Variants in VANGL1 observed in about 807,000 individuals in gnomAD.
VANGL1 encodes VANGL planar cell polarity protein 1.
In VANGL1, 18 loss-of-function variants were observed where a neutral mutation model predicts 48.4. The observed-to-expected ratio is 0.37, with a 90% CI of 0.26 to 0.55. VANGL1 has a LOEUF of 0.55. VANGL1 is among the 20% of genes least tolerant of loss of function. The pLI is 0.81. For synonymous variants in VANGL1, 257 were observed against 261.8 expected (o/e 0.98, Z 0.18); for missense variants, 667 against 675.8 (o/e 0.99, Z 0.14).
Position 115,685,277 on chromosome 1 carries a change from T to C in VANGL1, c.1080-16T>C. On this transcript the variant is annotated splice_polypyrimidine_tract_variant and intron_variant, in intron 6 of 7. Transcript: ENST00000355485. Reference sequence around the variant, plus strand: ...CAGGCACCATCCTGATTACTTAGTGTTGCATCACCTTCTAGGCTGGTGGTT... The same window carrying C: ...CAGGCACCATCCTGATTACTTAGTGCTGCATCACCTTCTAGGCTGGTGGTT... 1 of 1,613,382 alleles carries C rather than the reference T, an allele frequency of 6.2e-7. No individual in the cohort carries two copies. Among genetic ancestry groups the C allele is most frequent in the Non-Finnish European group, 8.5e-7 (1 of 1,179,422 alleles).
Position 115,659,737 on chromosome 1 carries a change from G to A in VANGL1, c.168G>A (p.Leu56=). ...VTIQPPTGEP[L]LGNDSTRTEE... ...TTCAACCTCCCACTGGAGAGCCCCT[G>A]TTGGGAAATGATTCTACTCGGACAG... The change falls in exon 3 of 8, where the codon CTG becomes CTA. Residue 56 remains leucine (L), a synonymous_variant. Transcript: ENST00000355485. The A allele has an allele frequency of 6.2e-7, 1 of 1,614,202 alleles. No individual in the cohort carries two copies. The highest frequency in any genetic ancestry group is 8.5e-7 in the Non-Finnish European group (1 of 1,180,036).
chr1:115,673,806 G>T (rs1022828551), intron 4 of VANGL1, among the ~76,000 whole-genome samples: 1 of 151,722 alleles, frequency 6.6e-6, no homozygotes, highest in East Asian at 1.9e-4. Flanking sequence ...CACTTTGTTG[G>T]TCAGGCTGGT....
chr1:115,651,260 T>TC lies in VANGL1; in HGVS notation c.-137-17_-137-16insC. 1 of 661,496 alleles carries TC rather than the reference T, an allele frequency of 1.5e-6. No individual in the cohort carries two copies. Among genetic ancestry groups the TC allele is most frequent in the South Asian group, 1.7e-5 (1 of 57,872 alleles). 41.0% of individuals were successfully genotyped at this position (661,496 alleles called of 1,614,324 possible). A position where few individuals can be genotyped will look rare whatever the true frequency, so the allele number is the denominator to read the frequency against. On this transcript the variant is annotated splice_polypyrimidine_tract_variant and intron_variant, in intron 1 of 7. Transcript: ENST00000355485. Reference sequence around the variant, plus strand: ...GCTCTGAAGATTAATGTCTTTTTTTTTCCCCCTCTTTCCCAGAATTTGTTC... The same window carrying TC: ...GCTCTGAAGATTAATGTCTTTTTTTTCTCCCCCTCTTTCCCAGAATTTGTTC...
At position 115,650,960 on chromosome 1, in the gene VANGL1, C is replaced by T. The variant is rs140094838; in HGVS notation, c.-137-317C>T. Among the ~76,000 whole-genome samples the T allele has an allele frequency of 3.6e-3, 540 of 151,702 alleles. 2 individuals are homozygous for T. Among genetic ancestry groups the T allele is most frequent in the African/African-American group, 0.012 (513 of 41,330 alleles). On this transcript the variant is annotated intron_variant, in intron 1 of 7. Transcript: ENST00000355485. Reference sequence around the variant, plus strand: ...GGGGGCTGGGCATTGTGTGGAGGGTCGCAGATGTGGAAAGCCACCTCCTAA... The same window carrying T: ...GGGGGCTGGGCATTGTGTGGAGGGTTGCAGATGTGGAAAGCCACCTCCTAA...
intron 1 of VANGL1, among the ~76,000 whole-genome samples, chr1:115,642,453 G>A (rs539598157): frequency 6.6e-6 from 1 of 152,212 alleles, no homozygotes; most frequent in East Asian, 1.9e-4. Flanking sequence ...TGCGCGTGCC[G>A]GGGCGGCGGG....
At chr1:115,683,019 G>A (rs961045169) in intron 5 of VANGL1, among the ~76,000 whole-genome samples, 6 of 152,136 alleles carry the variant, frequency 3.9e-5, no homozygotes, top group Admixed American at 3.3e-4. Flanking sequence ...AACAGGATGC[G>A]GTGTCATTTC....
At chr1:115,661,331 C>T (rs1246817867) in intron 3 of VANGL1, among the ~76,000 whole-genome samples, 2 of 152,118 alleles carry the variant, frequency 1.3e-5, no homozygotes, top group Non-Finnish European at 2.9e-5. Context: ...CCTTTCTAGT[C>T]AATCTCTGCC....
intron 4 of VANGL1, among the ~76,000 whole-genome samples, chr1:115,665,388 A>T (rs1288953306): frequency 2.0e-5 from 3 of 152,234 alleles, no homozygotes; most frequent in Non-Finnish European, 4.4e-5. Context: ...GTAGGCACTT[A>T]GTTCATTGCA....
intron 4 of VANGL1, among the ~76,000 whole-genome samples, chr1:115,681,160 A>C (rs1653370848): frequency 6.6e-6 from 1 of 152,194 alleles, no homozygotes; most frequent in Admixed American, 6.5e-5. Flanking sequence ...TGAGGGTTAA[A>C]TGAGAATCAG....
At chr1:115,645,036 G>A (rs2101287985) in intron 1 of VANGL1, among the ~76,000 whole-genome samples, 1 of 152,280 alleles carries the variant, frequency 6.6e-6, no homozygotes. Context: ...ATGATGTTTG[G>A]TGGTTTATAG....
Position 115,682,428 on chromosome 1 carries a change from A to G in VANGL1, c.877A>G (p.Asn293Asp), listed in dbSNP as rs1653428398. The stretch of plus-strand genomic sequence containing the variant: ...CAAAGATTTCACCATCTATAACCCA[A>G]ACCTCCTAACAGCCTCCAAATTCCG... ...YYKDFTIYNP[N>D]LLTASKFRAA... The change falls in exon 5 of 8, where the codon AAC (asparagine) becomes GAC (aspartate). Residue 293 changes from asparagine (N) to aspartate (D), a missense_variant. Transcript: ENST00000355485. The G allele has an allele frequency of 1.2e-6, 2 of 1,614,014 alleles. No homozygotes were observed. The highest frequency in any genetic ancestry group is 2.2e-5 in the East Asian group (1 of 44,898).
At position 115,663,830 on chromosome 1, in the gene VANGL1, T is replaced by G; in HGVS notation, c.374T>G (p.Leu125Arg). ...TCTTTTCTTGGACTTCTAGTTTTCC[T>G]CACCCCTATTGCCTTCATCCTTTTA... ...VASFLGLLVF[L>R]TPIAFILLPP... is the part of the protein sequence containing the mutation. Residue 125 changes from leucine (L) to arginine (R), a missense_variant, in exon 4 of 8, where the codon CTC becomes CGC. Coordinates refer to ENST00000355485, the MANE Select transcript of VANGL1 (RefSeq NM_138959.3). The G allele has an allele frequency of 6.2e-7, 1 of 1,614,228 alleles. No individual in the cohort carries two copies. The highest frequency in any genetic ancestry group is 8.5e-7 in the Non-Finnish European group (1 of 1,180,042).
intron 4 of VANGL1, among the ~76,000 whole-genome samples, chr1:115,667,604 T>A (rs1189490547): frequency 6.6e-6 from 1 of 152,192 alleles, no homozygotes; most frequent in Non-Finnish European, 1.5e-5. Flanking sequence ...AATCAGCACC[T>A]TCCTGTGCAT....
At position 115,691,254 on chromosome 1, in the gene VANGL1, AAG is replaced by A; in HGVS notation, c.1451_1452del (p.Lys484MetfsTer20). The A allele has an allele frequency of 6.2e-7, 1 of 1,614,110 alleles. No homozygotes were observed. Among genetic ancestry groups the A allele is most frequent in the Non-Finnish European group, 8.5e-7 (1 of 1,180,022 alleles). ...ACGGGATGGAATTGTGTTCGTCCTT[AAG>A]TGCTTGGACTTCAGCCTCGTAGTCA... ...GLRDGIVFVL[K>X]CLDFSLVVNV... On this transcript the variant is annotated frameshift_variant, in exon 8 of 8. Transcript: ENST00000355485. LOFTEE classifies it high-confidence loss of function.
chr1:115,679,529 C>T (rs1222965846), intron 4 of VANGL1, among the ~76,000 whole-genome samples: 1 of 152,174 alleles, frequency 6.6e-6, no homozygotes, highest in Non-Finnish European at 1.5e-5. Context: ...GGGCCGGGAG[C>T]CCTGCTGGAG....
chr1:115,667,584 G>A (rs961000485), intron 4 of VANGL1, among the ~76,000 whole-genome samples: 4 of 152,122 alleles, frequency 2.6e-5, no homozygotes, highest in African/African-American at 9.7e-5. Flanking sequence ...ACCTGCTCAA[G>A]GTCACAGGGA....
chr1:115,656,588 G>C (rs1482321192), intron 2 of VANGL1, among the ~76,000 whole-genome samples: 1 of 152,214 alleles, frequency 6.6e-6, no homozygotes, highest in Non-Finnish European at 1.5e-5. Context: ...AGGGTTTTGG[G>C]CTCTGGAGGA....
intron 3 of VANGL1, among the ~76,000 whole-genome samples, chr1:115,662,775 A>G (rs997785473): frequency 6.6e-6 from 1 of 150,832 alleles, no homozygotes; most frequent in African/African-American, 2.4e-5. Flanking sequence ...TCTTGTGAAC[A>G]TCATAAGGAG....
At chr1:115,685,720 G>A (rs1653582772) in intron 7 of VANGL1, among the ~76,000 whole-genome samples, 193 bp downstream of exon 7, 1 of 152,152 alleles carries the variant, frequency 6.6e-6, no homozygotes, top group African/African-American at 2.4e-5. Context: ...CCTTTCGAAG[G>A]CCTCTGGATT....
Sources: allele counts gnomAD v4.1 joint callset (sites outside exome capture counted in the v4.1 genomes callset), GRCh38; gene constraint gnomAD v4.1.1; transcripts MANE v1.5; gene names NCBI Gene and HGNC (gene_info 2026-07-23, HGNC 2026-07-21).